Variants in NCS1 observed in about 807,000 individuals in gnomAD.
NCS1 encodes the protein frequenin homolog.
Under a neutral mutation model 28.4 loss-of-function variants are expected in NCS1, and 6 were observed. The observed-to-expected ratio is 0.21, with a 90% CI of 0.12 to 0.42. The LOEUF (loss-of-function observed/expected upper bound fraction) is 0.42. NCS1 is among the 10% of genes least tolerant of loss of function. The probability of loss-of-function intolerance (pLI) is 1.00; values close to 1 mark genes in which losing one functional copy is unlikely to be tolerated. For missense variants in NCS1, 131 were observed against 241.4 expected, an observed-to-expected ratio of 0.54 and a Z score of 3.03; for synonymous variants, 86 against 99.3, an observed-to-expected ratio of 0.87 and a Z score of 0.79.
intron 4 of NCS1, among the ~76,000 whole-genome samples, chr9:130,222,089 T>C: frequency 1.2e-5 from 1 of 80,820 alleles, no homozygotes; most frequent in African/African-American, 4.2e-5. Context: ...TAAATATATA[T>C]ATGTGTGTGT....
At chr9:130,221,377 CATATATATATAT>C (rs370084084) in intron 4 of NCS1, among the ~76,000 whole-genome samples, 7,012 of 83,882 alleles carry the variant, frequency 0.084, 305 homozygotes, top group Non-Finnish European at 0.11. Flanking sequence ...TATAAAATAT[CATATATATATAT>C]ATATATATAT....
rs375878241 is a variant in NCS1 at position 130,200,452 on chromosome 9, G to A, written c.65-506G>A. On this transcript the variant is annotated intron_variant, in intron 1 of 7. Transcript: ENST00000372398. ...GGGCTGACCACAGAGAGGGGCTGCA[G>A]GGACAGGCTGACAGGGAGGGTGGTC... 34 of 888,790 alleles carry A rather than the reference G, an allele frequency of 3.8e-5. No homozygotes were observed. The African/African-American group carries it at 4.5e-4, about 12-fold the overall frequency. The allele number at this position is 888,790 out of a possible 1,614,324, so 55.1% of individuals were successfully genotyped here.
chr9:130,189,712 C>T (rs1440687217), intron 1 of NCS1, among the ~76,000 whole-genome samples: 1 of 151,130 alleles, frequency 6.6e-6, no homozygotes, highest in Non-Finnish European at 1.5e-5. Context: ...TGTGGTGGCG[C>T]GTGCCTATAA....
At chr9:130,217,214 A>G (rs1122578) in intron 2 of NCS1, among the ~76,000 whole-genome samples, 143,045 of 152,282 alleles carry the variant, frequency 0.94, 67,201 homozygotes, top group East Asian at 1. Context: ...GGCGTCAGCC[A>G]CGTAGGGATC....
rs1833176643 is a variant in NCS1 at position 130,215,906 on chromosome 9, T to C, written c.90-1926T>C. Among the ~76,000 whole-genome samples, 1 of 151,980 alleles carries C rather than the reference T, an allele frequency of 6.6e-6. No homozygotes were observed. Among genetic ancestry groups the C allele is most frequent in the African/African-American group, 2.4e-5 (1 of 41,374 alleles). ...CTGACTCAAGAAGAACTGCCCTCCC[T>C]CCCACATCCTGCTCCCTCTTCTCTG... On this transcript the variant is annotated intron_variant, in intron 2 of 7. Transcript: ENST00000372398. The surrounding 1 kb of genome is among the most constrained non-coding windows in gnomAD (Gnocchi z 4.2).
In NCS1 at chr9:130,226,180, AC is replaced by A. The variant is rs553849471; in HGVS notation, c.475-208del. On this transcript the variant is annotated intron_variant, in intron 6 of 7. Coordinates refer to ENST00000372398, the MANE Select transcript of NCS1 (RefSeq NM_014286.4). The surrounding 1 kb of genome is among the most constrained non-coding windows in gnomAD (Gnocchi z 4.8). ...TTACCCTCCATCCCCAGGTGAAGAAACATGCCCAGAGAGGTGGGCCACGGCC... is the reference window on the plus strand; with the variant it reads ...TTACCCTCCATCCCCAGGTGAAGAAAATGCCCAGAGAGGTGGGCCACGGCC... Among the ~76,000 whole-genome samples the A allele has an allele frequency of 6.6e-6, 1 of 152,214 alleles. No homozygotes were observed. The highest frequency in any genetic ancestry group is 1.5e-5 in the Non-Finnish European group (1 of 68,036).
chr9:130,219,687 C>G lies in NCS1; in HGVS notation c.229-38C>G. ...GTTCAGCCTGACCCGGTGGCCTGGC[C>G]GGCACTGACTGAGGCAATCCCCTCT... On this transcript the variant is annotated intron_variant, in intron 3 of 7. Coordinates refer to ENST00000372398, the MANE Select transcript of NCS1 (RefSeq NM_014286.4). The surrounding 1 kb of genome is among the most constrained non-coding windows in gnomAD (Gnocchi z 5.7). 6.2e-7 allele frequency: 1 copy of G among 1,605,006 alleles called. No individual in the cohort carries two copies. The highest frequency in any genetic ancestry group is 1.1e-5 in the South Asian group (1 of 90,898).
intron 1 of NCS1, among the ~76,000 whole-genome samples, chr9:130,182,852 GCC>G (rs1564702644): frequency 6.6e-6 from 1 of 152,244 alleles, no homozygotes; most frequent in African/African-American, 2.4e-5. Context: ...GCCTGGCTCA[GCC>G]CAGGTGCCTT....
At chr9:130,197,200 C>A (rs1554906948) in intron 1 of NCS1, among the ~76,000 whole-genome samples, 1 of 151,894 alleles carries the variant, frequency 6.6e-6, no homozygotes, top group Non-Finnish European at 1.5e-5. Context: ...AGGACGGTGG[C>A]TTTTTTTTGA....
intron 4 of NCS1, among the ~76,000 whole-genome samples, chr9:130,220,844 A>G (rs1554910170): frequency 6.7e-6 from 1 of 149,938 alleles, no homozygotes; most frequent in African/African-American, 2.5e-5. Context: ...TGTTGACTGT[A>G]GCAGGCCACA....
At chr9:130,227,045 GAA>G (rs1332392681) in intron 7 of NCS1, among the ~76,000 whole-genome samples, 2 of 126,662 alleles carry the variant, frequency 1.6e-5, no homozygotes, top group Non-Finnish European at 1.7e-5. Flanking sequence ...AAAAAGAAAA[GAA>G]AAAAAAAAAA....
rs559306775 is a variant in NCS1 at position 130,226,938 on chromosome 9, G to T, written c.*17+434G>T. On this transcript the variant is annotated intron_variant, in intron 7 of 7. Transcript: ENST00000372398. This position sits in a 1 kb window ranked among gnomAD's most constrained non-coding sequence, Gnocchi z 4.8. The stretch of plus-strand genomic sequence containing the variant: ...CTTGGGAGGCTGAGGCAGGAGAACC[G>T]CTTGAACCCAGGAGGTGGAGATTGC... 6.7e-6 allele frequency among the ~76,000 whole-genome samples: 1 copy of T among 149,606 alleles called. No homozygotes were observed. Among genetic ancestry groups the T allele is most frequent in the African/African-American group, 2.5e-5 (1 of 40,364 alleles).
chr9:130,187,572 G>A (rs1420117362), intron 1 of NCS1, among the ~76,000 whole-genome samples: 2 of 152,182 alleles, frequency 1.3e-5, no homozygotes, highest in African/African-American at 4.8e-5. Context: ...GTGCAGCTCA[G>A]GGGCCAGACC....
In NCS1 at chr9:130,192,218, A is replaced by G. The variant is rs1485708646; in HGVS notation, c.65-8740A>G. ...AGTAATAAGTACAACAGCAGTGATGATCATGCTGACTGCCTCGTGCCAGGC... is the reference window on the plus strand; with the variant it reads ...AGTAATAAGTACAACAGCAGTGATGGTCATGCTGACTGCCTCGTGCCAGGC... On this transcript the variant is annotated intron_variant, in intron 1 of 7. Transcript: ENST00000372398. This position sits in a 1 kb window ranked among gnomAD's most constrained non-coding sequence, Gnocchi z 4.8. Among the ~76,000 whole-genome samples, 1 of 152,076 alleles carries G rather than the reference A, an allele frequency of 6.6e-6. No homozygotes were observed. The highest frequency in any genetic ancestry group is 2.4e-5 in the African/African-American group (1 of 41,406).
chr9:130,212,548 G>A (rs1446838258), intron 2 of NCS1, among the ~76,000 whole-genome samples: 2 of 150,690 alleles, frequency 1.3e-5, no homozygotes, highest in African/African-American at 2.5e-5. Context: ...GCGTTGTGGG[G>A]AAGGGGTTTG....
At chr9:130,216,458 G>A (rs1469871523) in intron 2 of NCS1, among the ~76,000 whole-genome samples, 1 of 152,214 alleles carries the variant, frequency 6.6e-6, no homozygotes, top group Non-Finnish European at 1.5e-5. Context: ...GCTCACGCCT[G>A]TAATCCCAGC....
chr9:130,217,935 GC>G lies in NCS1; in HGVS notation c.195del (p.Thr66HisfsTer26). 1 of 1,614,216 alleles carries G rather than the reference GC, an allele frequency of 6.2e-7. No individual in the cohort carries two copies. Among genetic ancestry groups the G allele is most frequent in the Non-Finnish European group, 8.5e-7 (1 of 1,180,040 alleles). ...CCCGTTCGGAGACCCCACCAAGTTT[GC>G]CACATTTGTTTTCAACGTCTTTGAT... ...FFPFGDPTKF[A>X]TFVFNVFDEN... On this transcript the variant is annotated frameshift_variant, in exon 3 of 8. Transcript: ENST00000372398. LOFTEE classifies it high-confidence loss of function.
intron 1 of NCS1, among the ~76,000 whole-genome samples, chr9:130,188,753 G>T (rs2131124547): frequency 6.6e-6 from 1 of 151,240 alleles, no homozygotes; most frequent in Non-Finnish European, 1.5e-5. Context: ...ATCTCACTTT[G>T]TTGCCCAGGC....
At chr9:130,203,111 T>TGC (rs1186585364) in intron 2 of NCS1, among the ~76,000 whole-genome samples, 8 of 145,430 alleles carry the variant, frequency 5.5e-5, no homozygotes, top group African/African-American at 1.8e-4. Context: ...TGTGTGTGTG[T>TGC]GCGTGTGTAT....
Sources: gnomAD v4.1 joint callset for allele counts (sites outside exome capture counted in the v4.1 genomes callset) on GRCh38, gnomAD v4.1.1 for gene constraint, Gnocchi (gnomAD v3.1) non-coding constraint, MANE v1.5 for transcripts, NCBI Gene and HGNC (gene_info 2026-07-23, HGNC 2026-07-21) for gene names.